ST7: variants seen among roughly 807,000 people sequenced by gnomAD.
The protein encoded by ST7 is suppressor of tumorigenicity 7 protein.
A neutral mutation model predicts 78.7 loss-of-function variants in ST7; 28 were observed. The ratio of observed to expected loss-of-function variants is 0.36; its 90% confidence interval spans 0.26 to 0.49. The LOEUF (loss-of-function observed/expected upper bound fraction) is 0.49. Ranked by LOEUF, ST7 falls within the 20% of genes least tolerant of loss-of-function variation. ST7 has a pLI of 0.99. For missense variants in ST7, 418 were observed against 696.0 expected (o/e 0.60, Z 4.49); for synonymous variants, 247 against 249.6 (o/e 0.99, Z 0.10).
At chr7:117,126,118 C>G (rs1803817286) in intron 3 of ST7, among the ~76,000 whole-genome samples, 1 of 151,994 alleles carries the variant, frequency 6.6e-6, no homozygotes, top group Non-Finnish European at 1.5e-5. Context: ...GTTGCTGCTA[C>G]TACTGTTTGT....
chr7:116,984,139 G>GTGTA (rs1794091128), intron 1 of ST7, among the ~76,000 whole-genome samples: 1 of 151,738 alleles, frequency 6.6e-6, no homozygotes, highest in African/African-American at 2.4e-5. Context: ...GTGTGTGTGT[G>GTGTA]TGTGTCTATC....
chr7:117,115,129 C>G (rs933773670), intron 2 of ST7, among the ~76,000 whole-genome samples: 2 of 148,988 alleles, frequency 1.3e-5, no homozygotes, highest in African/African-American at 5.2e-5. Context: ...CTTCCTCAGC[C>G]CTCTCATTCC....
At chr7:116,992,506 G>C (rs1794474625) in intron 1 of ST7, among the ~76,000 whole-genome samples, 1 of 152,204 alleles carries the variant, frequency 6.6e-6, no homozygotes, top group Admixed American at 6.5e-5. Context: ...CTGGGATGCA[G>C]GGCACAAAGT....
intron 2 of ST7, among the ~76,000 whole-genome samples, chr7:117,102,898 G>A (rs1422732513): frequency 6.6e-6 from 1 of 151,964 alleles, no homozygotes; most frequent in African/African-American, 2.4e-5. Context: ...TACAAAATCA[G>A]CATACAAAAA....
In ST7 at chr7:117,134,172, G is replaced by A; in HGVS notation, c.690G>A (p.Trp230Ter). ...CCCTAATTGCTTCCTCTACCATCTG[G>A]GAGATAAAATTGTTACCAAAGTAAG... ...EVPLIASSTI[W>*]EIKLLPKCAT... The change falls in exon 7 of 16, where the codon TGG becomes TGA. Residue 230 changes from tryptophan (W) to a stop codon, truncating the protein, a stop_gained. Coordinates refer to ENST00000323984, the MANE Select transcript of ST7 (RefSeq NM_001369598.1). LOFTEE classifies it high-confidence loss of function. The A allele has an allele frequency of 6.2e-7, 1 of 1,611,966 alleles. No individual in the cohort carries two copies. Among genetic ancestry groups the A allele is most frequent in the Non-Finnish European group, 8.5e-7 (1 of 1,178,756 alleles).
intron 9 of ST7, among the ~76,000 whole-genome samples, chr7:117,147,949 A>T (rs1680172062): frequency 6.6e-6 from 1 of 152,134 alleles, no homozygotes; most frequent in Non-Finnish European, 1.5e-5. Flanking sequence ...CCTGAGGCCT[A>T]GCATATGGTC....
At chr7:117,090,543 A>G (rs1362645363) in intron 1 of ST7, among the ~76,000 whole-genome samples, 1 of 152,256 alleles carries the variant, frequency 6.6e-6, no homozygotes, top group East Asian at 1.9e-4. Context: ...ACCTTGTCTT[A>G]GCAAAGTTTC....
chr7:117,110,620 G>A (rs1034189443), intron 2 of ST7, among the ~76,000 whole-genome samples: 1 of 152,172 alleles, frequency 6.6e-6, no homozygotes, highest in African/African-American at 2.4e-5. Context: ...GTGGTCAGCT[G>A]TTTTTCTAGC....
chr7:117,209,976 T>A lies in ST7; in HGVS notation c.1405+39T>A, dbSNP rs551581865. 4.7e-5 allele frequency: 75 copies of A among 1,598,962 alleles called. No individual in the cohort carries two copies. In the South Asian group the frequency reaches 8.2e-4, roughly 17 times the overall value. On this transcript the variant is annotated intron_variant, in intron 13 of 15. Coordinates refer to ENST00000323984, the MANE Select transcript of ST7 (RefSeq NM_001369598.1). ...TTTTTTTGAAACATTTTTAAGAGCA[T>A]GAAAAGGTGCTAAAATGTTTTTGCA...
rs909777229 is a variant in ST7, at chr7:117,188,002, G to A, written c.1079-1319G>A. 2.0e-5 allele frequency among the ~76,000 whole-genome samples: 3 copies of A among 152,130 alleles called. No individual in the cohort carries two copies. In the South Asian group the frequency reaches 6.2e-4, roughly 32 times the overall value. On this transcript the variant is annotated intron_variant, in intron 10 of 15. Coordinates refer to ENST00000323984, the MANE Select transcript of ST7 (RefSeq NM_001369598.1). ...CACCATTTTATATAGTATGTATGTG[G>A]TGGTGACATTTTGCTTGAATATAGT...
At chr7:116,964,402 C>T (rs948994030) in intron 1 of ST7, among the ~76,000 whole-genome samples, 2 of 152,054 alleles carry the variant, frequency 1.3e-5, no homozygotes, top group Admixed American at 6.5e-5. Flanking sequence ...AAATAATGCT[C>T]TTGGGGTGTT....
intron 9 of ST7, among the ~76,000 whole-genome samples, chr7:117,155,084 T>A (rs1333249735): frequency 1.3e-5 from 2 of 152,100 alleles, no homozygotes; most frequent in Non-Finnish European, 2.9e-5. Flanking sequence ...AAACAGGCTG[T>A]CATGGTAGGT....
At chr7:116,976,679 A>G (rs1052100432) in intron 1 of ST7, among the ~76,000 whole-genome samples, 1 of 152,204 alleles carries the variant, frequency 6.6e-6, no homozygotes, top group Non-Finnish European at 1.5e-5. Context: ...TGTATATTCT[A>G]GTGAATGGTA....
chr7:117,136,481 T>C, intron 8 of ST7: 1 of 600,320 alleles, frequency 1.7e-6, no homozygotes, highest in Non-Finnish European at 2.9e-6. Context: ...CAGAAATAAA[T>C]GGCAGTAACC....
chr7:117,087,345 G>T (rs1363983404), intron 1 of ST7, among the ~76,000 whole-genome samples: 1 of 152,068 alleles, frequency 6.6e-6, no homozygotes, highest in Admixed American at 6.6e-5. Context: ...TGATAAAACA[G>T]GAATATACAT....
chr7:117,098,369 T>A (rs190496024), intron 1 of ST7, among the ~76,000 whole-genome samples: 1 of 152,124 alleles, frequency 6.6e-6, no homozygotes, highest in Non-Finnish European at 1.5e-5. Flanking sequence ...TTGGTTAACT[T>A]TTAGTTATTC....
chr7:117,176,143 C>A (rs1808328642), intron 10 of ST7, among the ~76,000 whole-genome samples: 1 of 152,136 alleles, frequency 6.6e-6, no homozygotes, highest in Non-Finnish European at 1.5e-5. Context: ...GATCTAAGCA[C>A]TTTTGGATAT....
At chr7:116,986,764 T>C (rs909446972) in intron 1 of ST7, among the ~76,000 whole-genome samples, 1 of 151,510 alleles carries the variant, frequency 6.6e-6, no homozygotes, top group Non-Finnish European at 1.5e-5. Context: ...AGTCTGGAGG[T>C]AGAGAGAGAG....
At position 116,960,094 on chromosome 7, in the gene ST7, G is replaced by A. The variant is rs551882257; in HGVS notation, c.151+6403G>A. On this transcript the variant is annotated intron_variant, in intron 1 of 15. Coordinates refer to ENST00000323984, the MANE Select transcript of ST7 (RefSeq NM_001369598.1). ...TGTATTACCTTCATTTACAAAGTTT[G>A]ATGCTATGGCTCTTTCTTACCCCTC... is the stretch of plus-strand genomic sequence containing the variant. 5.3e-5 allele frequency among the ~76,000 whole-genome samples: 8 copies of A among 152,162 alleles called. No homozygotes were observed. In the East Asian group the frequency reaches 1.5e-3, roughly 29 times the overall value.
Sources: allele counts gnomAD v4.1 joint callset (sites outside exome capture counted in the v4.1 genomes callset), GRCh38; gene constraint gnomAD v4.1.1; transcripts MANE v1.5; gene names NCBI Gene and HGNC (gene_info 2026-07-23, HGNC 2026-07-21).